Variants in KCNIP4 observed in about 807,000 individuals in gnomAD.
The protein encoded by KCNIP4 is potassium voltage-gated channel interacting protein 4, also known as Kv channel-interacting protein 4.
A neutral mutation model predicts 34.0 loss-of-function variants in KCNIP4; 12 were observed. The observed-to-expected ratio is 0.35, with a 90% CI of 0.23 to 0.57. The LOEUF is 0.57. Among genes scored for constraint, KCNIP4 ranks in the 20% least tolerant of loss-of-function variants. The pLI, the probability that KCNIP4 is intolerant of heterozygous loss-of-function variation, is 0.83. For synonymous variants in KCNIP4, 124 were observed against 102.2 expected, an observed-to-expected ratio of 1.21 and a Z score of -1.29; for missense variants, 238 against 311.7, an observed-to-expected ratio of 0.76 and a Z score of 1.78.
intron 1 of KCNIP4, among the ~76,000 whole-genome samples, chr4:21,318,595 A>G (rs911846515): frequency 2.6e-5 from 4 of 152,146 alleles, no homozygotes; most frequent in Admixed American, 2.6e-4. Context: ...CTGTGCCACT[A>G]TTGTACCACC....
intron 1 of KCNIP4, chr4:21,851,996 A>ATGTGTGTGTGTGTG (rs930861529): frequency 4.7e-3 from 50 of 10,566 alleles, no homozygotes; most frequent in African/African-American, 5.1e-3. Flanking sequence ...TTCAATTAAT[A>ATGTGTGTGTGTGTG]TGTGTGTGTG....
intron 1 of KCNIP4, among the ~76,000 whole-genome samples, chr4:21,777,923 A>G (rs1442249941): frequency 6.6e-6 from 1 of 152,208 alleles, no homozygotes; most frequent in African/African-American, 2.4e-5. Flanking sequence ...GCTTATAAAA[A>G]TCTGTAAGTT....
chr4:21,655,714 T>A (rs1747868337), intron 1 of KCNIP4, among the ~76,000 whole-genome samples: 1 of 152,224 alleles, frequency 6.6e-6, no homozygotes, highest in Non-Finnish European at 1.5e-5. Flanking sequence ...CTACAGAAGA[T>A]GGCACATCAT....
At chr4:20,756,918 C>G (rs1196991319) in intron 4 of KCNIP4, among the ~76,000 whole-genome samples, 1 of 151,910 alleles carries the variant, frequency 6.6e-6, no homozygotes, top group Non-Finnish European at 1.5e-5. Context: ...TTATAATTCC[C>G]CCAGTAACCT....
intron 1 of KCNIP4, among the ~76,000 whole-genome samples, chr4:21,299,937 A>C (rs915190262): frequency 1.3e-5 from 2 of 152,196 alleles, no homozygotes; most frequent in Admixed American, 1.3e-4. Context: ...AGGTGAGTTG[A>C]ATAAATACAA....
rs1728884223 is a variant in KCNIP4, at chr4:20,916,986, TATATATA to T, written c.62-34284_62-34278del. Among the ~76,000 whole-genome samples, 4 of 78,902 alleles carry T rather than the reference TATATATA, an allele frequency of 5.1e-5. 1 individual carries two copies. The highest frequency in any genetic ancestry group is 1.0e-4 in the African/African-American group (2 of 19,632). The allele number at this position is 78,902 out of a possible 152,430, so 51.8% of individuals were successfully genotyped here. ...CTTCCACCATTGACCATCTTATGTT[TATATATA>T]TATATATATATATATATATATATAT... On this transcript the variant is annotated intron_variant, in intron 1 of 8. Transcript: ENST00000382152.
At chr4:21,709,097 T>C (rs182219182) in intron 1 of KCNIP4, among the ~76,000 whole-genome samples, 77 of 152,234 alleles carry the variant, frequency 5.1e-4, no homozygotes, top group Admixed American at 1.7e-3. Flanking sequence ...GGCACAGAAC[T>C]TTCTGTCTCA....
intron 1 of KCNIP4, among the ~76,000 whole-genome samples, chr4:21,267,680 T>G (rs1308627453): frequency 1.4e-5 from 2 of 143,070 alleles, no homozygotes; most frequent in Non-Finnish European, 3.1e-5. Context: ...GAACCAGCCT[T>G]GCATCCCAGG....
intron 1 of KCNIP4, among the ~76,000 whole-genome samples, chr4:21,394,196 C>T (rs1722783118): frequency 6.6e-6 from 1 of 152,192 alleles, no homozygotes; most frequent in South Asian, 2.1e-4. Context: ...GTACTACCAT[C>T]ATTTGCATAA....
chr4:21,023,478 AAAAG>A (rs2149751811), intron 1 of KCNIP4, among the ~76,000 whole-genome samples: 1 of 152,320 alleles, frequency 6.6e-6, no homozygotes, highest in Non-Finnish European at 1.5e-5. Flanking sequence ...CTTAATAATC[AAAAG>A]AAAGATCACT....
chr4:21,475,753 A>G (rs1296920976), intron 1 of KCNIP4, among the ~76,000 whole-genome samples: 3 of 152,198 alleles, frequency 2.0e-5, no homozygotes, highest in Admixed American at 2.0e-4. Context: ...CTAGTTAAAG[A>G]CTATTCATAT....
intron 1 of KCNIP4, among the ~76,000 whole-genome samples, chr4:21,074,531 CTTCT>C (rs1415166112): frequency 7.2e-5 from 11 of 151,924 alleles, no homozygotes; most frequent in Non-Finnish European, 1.5e-4. Context: ...TCTCTCTTTT[CTTCT>C]TTATTAGTCT....
At chr4:21,346,794 A>G (rs1372110108) in intron 1 of KCNIP4, among the ~76,000 whole-genome samples, 1 of 152,066 alleles carries the variant, frequency 6.6e-6, no homozygotes, top group Middle Eastern at 3.2e-3. Context: ...CCACACGTAC[A>G]ACAGCAAAAC....
chr4:21,237,515 C>T (rs1469667838), intron 1 of KCNIP4, among the ~76,000 whole-genome samples: 2 of 152,058 alleles, frequency 1.3e-5, no homozygotes, highest in Admixed American at 6.6e-5. Context: ...AGAGAAGAAT[C>T]AAATACACGC....
chr4:21,534,801 C>G (rs185033038), intron 1 of KCNIP4, among the ~76,000 whole-genome samples: 1 of 152,118 alleles, frequency 6.6e-6, no homozygotes, highest in African/African-American at 2.4e-5. Flanking sequence ...CCAGTGCCTG[C>G]AGGGGATGGT....
At chr4:21,461,335 C>A (rs1405605558) in intron 1 of KCNIP4, among the ~76,000 whole-genome samples, 1 of 151,954 alleles carries the variant, frequency 6.6e-6, no homozygotes, top group Non-Finnish European at 1.5e-5. Context: ...CAATTAAACC[C>A]ATTTTCTTCT....
chr4:21,336,854 G>A (rs1197342896), intron 1 of KCNIP4, among the ~76,000 whole-genome samples: 2 of 152,052 alleles, frequency 1.3e-5, no homozygotes, highest in Non-Finnish European at 2.9e-5. Flanking sequence ...AAGACTGGAG[G>A]AGATGCAAAA....
intron 1 of KCNIP4, among the ~76,000 whole-genome samples, chr4:21,939,830 T>A (rs1035548880): frequency 3.3e-5 from 5 of 152,214 alleles, no homozygotes; most frequent in Non-Finnish European, 7.4e-5. Flanking sequence ...TTGAGCAGAA[T>A]GTGACTTTCA....
chr4:20,860,674 T>C (rs935684601), intron 2 of KCNIP4, among the ~76,000 whole-genome samples: 1 of 152,206 alleles, frequency 6.6e-6, no homozygotes, highest in East Asian at 1.9e-4. Flanking sequence ...TTGATCCATA[T>C]GGCAATAACA....
Sources: gnomAD v4.1 joint callset for allele counts (sites outside exome capture counted in the v4.1 genomes callset) on GRCh38, gnomAD v4.1.1 for gene constraint, MANE v1.5 for transcripts, NCBI Gene and HGNC (gene_info 2026-07-23, HGNC 2026-07-21) for gene names.